Variants in PRKAR1A observed in about 807,000 individuals in gnomAD.
PRKAR1A encodes the protein protein kinase cAMP-dependent type I regulatory subunit alpha.
PRKAR1A carries 3 observed loss-of-function variants against 52.0 expected under a neutral mutation model. The ratio of observed to expected loss-of-function variants is 0.06; its 90% confidence interval spans 0.03 to 0.15. The LOEUF is 0.15. PRKAR1A is among the 10% of genes least tolerant of loss of function. PRKAR1A has a pLI of 1.00. For missense variants in PRKAR1A, 240 were observed against 477.4 expected (o/e 0.50, Z 4.63); for synonymous variants, 188 against 168.4 (o/e 1.12, Z -0.90).
At chr17:68,478,601 T>C in the PRKAR1A span, among the ~76,000 whole-genome samples, 1 of 132,814 alleles carries the variant, frequency 7.5e-6, no homozygotes, top group Non-Finnish European at 1.7e-5. Flanking sequence ...TATGACCATT[T>C]AGAAATATGT....
At chr17:68,458,341 G>C in the PRKAR1A span, among the ~76,000 whole-genome samples, 35 of 152,346 alleles carry the variant, frequency 2.3e-4, no homozygotes, top group Middle Eastern at 0.014. Flanking sequence ...ATGTCTGCAT[G>C]TCTGCTTTCA....
the PRKAR1A span, among the ~76,000 whole-genome samples, chr17:68,463,340 C>T: frequency 6.6e-6 from 1 of 152,158 alleles, no homozygotes; most frequent in Admixed American, 6.5e-5. Flanking sequence ...AACACAGAAG[C>T]CTCCCTCACC....
Position 68,524,042 on chromosome 17 carries a change from T to C in PRKAR1A, c.467T>C (p.Val156Ala), listed in dbSNP as rs768408952. 6.2e-7 allele frequency: 1 copy of C among 1,613,966 alleles called. No homozygotes were observed. The highest frequency in any genetic ancestry group is 1.3e-5 in the African/African-American group (1 of 74,904). ...RSDIFDAMFSVSFIAGETVIQ... is the reference protein window; with the variant it reads ...RSDIFDAMFSASFIAGETVIQ... ...GATATTTTTGATGCCATGTTTTCGG[T>C]CTCCTTTATCGCAGGAGAGACTGTG... Residue 156 changes from valine (V) to alanine (A), a missense_variant, in exon 5 of 11, where the codon GTC (valine) becomes GCC (alanine). Physicochemically the swap from Val to Ala is moderately conservative, Grantham distance 64 (BLOSUM62 0). Coordinates refer to ENST00000589228, the MANE Select transcript of PRKAR1A (RefSeq NM_002734.5).
chr17:68,468,308 G>C, the PRKAR1A span, among the ~76,000 whole-genome samples: 2 of 152,226 alleles, frequency 1.3e-5, no homozygotes, highest in Admixed American at 6.5e-5. Flanking sequence ...GAGATTGGGA[G>C]AGAGATCTAG....
At chr17:68,473,808 A>G in the PRKAR1A span, among the ~76,000 whole-genome samples, 2 of 152,190 alleles carry the variant, frequency 1.3e-5, no homozygotes, top group Non-Finnish European at 2.9e-5. Context: ...GGCGTGAACC[A>G]CCGCATCTGG....
chr17:68,432,217 G>A, the PRKAR1A span, among the ~76,000 whole-genome samples: 1 of 152,146 alleles, frequency 6.6e-6, no homozygotes, highest in Non-Finnish European at 1.5e-5. Flanking sequence ...CACTGGGGGT[G>A]GGGGGAGACA....
intron 11 of PRKAR1A, among the ~76,000 whole-genome samples, chr17:68,545,581 T>C (rs770840291): frequency 1.1e-4 from 16 of 152,350 alleles, no homozygotes; most frequent in Non-Finnish European, 1.0e-4. Context: ...GGGGTGGTGG[T>C]TGCTGAAGGT....
At chr17:68,486,509 CTTTCTTTCTTTCTTTCTT>C in the PRKAR1A span, among the ~76,000 whole-genome samples, 11 of 43,380 alleles carry the variant, frequency 2.5e-4, no homozygotes, top group African/African-American at 8.4e-4. Flanking sequence ...TTCCTTCCTT[CTTTCTTTCTTTCTTTCTT>C]TCTTTCTTTC....
intron 11 of PRKAR1A, among the ~76,000 whole-genome samples, chr17:68,545,109 G>GA (rs1354055922): frequency 1.3e-5 from 2 of 152,054 alleles, no homozygotes; most frequent in African/African-American, 4.8e-5. Flanking sequence ...ATTACTTACA[G>GA]AAAAATACAA....
intron 2 of PRKAR1A, among the ~76,000 whole-genome samples, chr17:68,517,900 G>C (rs1298463922): frequency 6.6e-6 from 1 of 152,160 alleles, no homozygotes; most frequent in East Asian, 1.9e-4. Flanking sequence ...TTACTTCCTG[G>C]GGTCATTGGG....
the PRKAR1A span, among the ~76,000 whole-genome samples, chr17:68,491,383 C>T: frequency 2.0e-5 from 3 of 152,166 alleles, no homozygotes; most frequent in Non-Finnish European, 2.9e-5. Context: ...TGAGCCACCG[C>T]GCCCAGCCAA....
chr17:68,434,571 C>G, the PRKAR1A span: 6 of 1,613,834 alleles, frequency 3.7e-6, no homozygotes, highest in African/African-American at 1.3e-5. Context: ...CATCCCTCTC[C>G]GGAACTCATA....
At chr17:68,441,200 C>T in the PRKAR1A span, 1 of 152,222 alleles carries the variant, frequency 6.6e-6, no homozygotes, top group Non-Finnish European at 1.5e-5. Context: ...AGGAAATTAA[C>T]TTCGAGCCCC....
At chr17:68,459,276 T>C in the PRKAR1A span, among the ~76,000 whole-genome samples, 5 of 152,234 alleles carry the variant, frequency 3.3e-5, no homozygotes, top group Non-Finnish European at 7.3e-5. Context: ...GCTGCAGTCA[T>C]TTCTGTCCTG....
Position 68,527,836 on chromosome 17 carries a change from T to G in PRKAR1A, c.709-4T>G. On this transcript the variant is annotated splice_polypyrimidine_tract_variant and splice_region_variant and intron_variant, in intron 7 of 10. Coordinates refer to ENST00000589228, the MANE Select transcript of PRKAR1A (RefSeq NM_002734.5). ...GATATCACTTTTGTTATTTTTATTTTTAGGGAAGCACACTGAGAAAGCGGA... is the reference window on the plus strand; with the variant it reads ...GATATCACTTTTGTTATTTTTATTTGTAGGGAAGCACACTGAGAAAGCGGA... 1 of 1,607,972 alleles carries G rather than the reference T, an allele frequency of 6.2e-7. No homozygotes were observed.
At chr17:68,536,693 C>T (rs1342959500), downstream of PRKAR1A, 1 of 453,806 alleles carries the variant, frequency 2.2e-6, no homozygotes, top group Admixed American at 2.4e-5. Context: ...TGTGTCCCTG[C>T]TAGGCCTGTT....
At chr17:68,498,638 T>C in the PRKAR1A span, among the ~76,000 whole-genome samples, 1 of 152,230 alleles carries the variant, frequency 6.6e-6, no homozygotes, top group African/African-American at 2.4e-5. Flanking sequence ...CCTGCAGCCT[T>C]GGCTGCAATC....
chr17:68,486,423 T>C, the PRKAR1A span, among the ~76,000 whole-genome samples: 1 of 151,174 alleles, frequency 6.6e-6, no homozygotes, highest in Non-Finnish European at 1.5e-5. Context: ...TTTCCTTCCT[T>C]CTTTCTTTTC....
chr17:68,542,130 T>C lies in PRKAR1A; in HGVS notation c.974-8954T>C, dbSNP rs368814272. 7 of 1,613,934 alleles carry C rather than the reference T, an allele frequency of 4.3e-6. No individual in the cohort carries two copies. Among genetic ancestry groups the C allele is most frequent in the African/African-American group, 1.3e-5 (1 of 74,904 alleles). On this transcript the variant is annotated intron_variant, in intron 11 of 11. Coordinates refer to the PRKAR1A transcript ENST00000585981. The stretch of plus-strand genomic sequence containing the variant: ...CAGACAGCATACTCCGTCTTGCACA[T>C]GTATGGACACTTGGCGAAGAAGCAC...
Sources: gnomAD v4.1 joint callset for allele counts (sites outside exome capture counted in the v4.1 genomes callset) on GRCh38, gnomAD v4.1.1 for gene constraint, MANE v1.5 for transcripts, NCBI Gene and HGNC (gene_info 2026-07-23, HGNC 2026-07-21) for gene names.